Variants in CASKIN1 observed in about 807,000 individuals in gnomAD.
The protein encoded by CASKIN1 is CASK interacting protein 1, also known as caskin-1.
Under a neutral mutation model 117.5 loss-of-function variants are expected in CASKIN1, and 42 were observed. That is an observed-to-expected ratio of 0.36 (90% CI 0.28 to 0.46). The LOEUF (loss-of-function observed/expected upper bound fraction) is 0.46, where lower values mean the gene tolerates loss of function less well. Ranked by LOEUF, CASKIN1 falls within the 20% of genes least tolerant of loss-of-function variation. The probability of loss-of-function intolerance (pLI) is 1.00; values close to 1 mark genes in which losing one functional copy is unlikely to be tolerated. For synonymous variants in CASKIN1, 1,148 were observed against 961.7 expected (o/e 1.19, Z -3.59); for missense variants, 2,083 against 2,077.3 (o/e 1.00, Z -0.05).
chr16:2,183,566 G>T (rs1398001792), intron 16 of CASKIN1, 80 bp downstream of exon 16: 2 of 1,424,572 alleles, frequency 1.4e-6, no homozygotes, highest in Non-Finnish European at 1.9e-6. Context: ...GGTGGGAGTT[G>T]TGGCCAGGGA....
In CASKIN1 at chr16:2,181,552, G is replaced by A. The variant is rs1315760907; in HGVS notation, c.1816C>T (p.Gln606Ter). The A allele has an allele frequency of 6.3e-7, 1 of 1,590,044 alleles. No homozygotes were observed. Among genetic ancestry groups the A allele is most frequent in the Non-Finnish European group, 8.5e-7 (1 of 1,170,070 alleles). The change falls in exon 18 of 20, where the codon CAG becomes TAG. Residue 606 changes from glutamine (Q) to a stop codon, truncating the protein, a stop_gained. Transcript: ENST00000343516. LOFTEE classifies it high-confidence loss of function. ...MLAVRKLAEL[Q>*]KAEYAKYEGG... ...TCATACTTGGCGTATTCAGCCTTCT[G>A]CAGCTCTGCCAGCTTCCTCACAGCG... is the stretch of plus-strand genomic sequence containing the variant.
chr16:2,180,127 G>C lies in CASKIN1; in HGVS notation c.3241C>G (p.Pro1081Ala). ...TGLLATARRG[P>A]GESADPGPFV... is the part of the protein sequence containing the mutation. Reference sequence around the variant, plus strand: ...GGGCCTGGGTCTGCCGACTCCCCAGGCCCCCGGCGGGCAGTGGCCAGAAGT... The same window carrying C: ...GGGCCTGGGTCTGCCGACTCCCCAGCCCCCCGGCGGGCAGTGGCCAGAAGT... Residue 1081 changes from proline (P) to alanine (A), a missense_variant, in exon 18 of 20, where the codon CCT becomes GCT. Pro to Ala is a conservative substitution (Grantham distance 27). Transcript: ENST00000343516. The C allele has an allele frequency of 1.3e-6, 2 of 1,550,016 alleles. No individual in the cohort carries two copies. The highest frequency in any genetic ancestry group is 1.9e-5 in the Admixed American group (1 of 51,718).
At chr16:2,183,039 G>A (rs1490193321) in intron 16 of CASKIN1, among the ~76,000 whole-genome samples, 4 of 152,162 alleles carry the variant, frequency 2.6e-5, no homozygotes, top group East Asian at 1.9e-4. Flanking sequence ...CACCTACCTC[G>A]GCCTCCCAAA....
Position 2,178,296 on chromosome 16 carries a change from A to C in CASKIN1, c.*254T>G. ...GGGCGCCCTCCCCTCCCGCGCGGGC[A>C]GGAGGCCCAGCAGGTATTGCACGGG... is the stretch of plus-strand genomic sequence containing the variant. On this transcript the variant is annotated 3_prime_UTR_variant, in exon 20 of 20. Coordinates refer to ENST00000343516, the MANE Select transcript of CASKIN1 (RefSeq NM_020764.4). The C allele has an allele frequency of 2.4e-6, 1 of 422,748 alleles. No individual in the cohort carries two copies. Among genetic ancestry groups the C allele is most frequent in the South Asian group, 2.8e-5 (1 of 35,354 alleles). 26.2% of individuals were successfully genotyped at this position (422,748 alleles called of 1,614,324 possible). A position where few individuals can be genotyped will look rare whatever the true frequency, so the allele number is the denominator to read the frequency against.
chr16:2,180,988 G>A lies in CASKIN1; in HGVS notation c.2380C>T (p.Pro794Ser), dbSNP rs754625250. The change falls in exon 18 of 20, where the codon CCT becomes TCT. Residue 794 changes from proline to serine, a missense_variant. Around this residue, in one of 3 missense-constraint regions of CASKIN1, gnomAD observed 1,818 missense variants for 1,688.9 expected, o/e 1.08. Coordinates refer to ENST00000343516, the MANE Select transcript of CASKIN1 (RefSeq NM_020764.4). ...RPGSPQALGG[P>S]HGPAPATAKV... Reference sequence around the variant, plus strand: ...GCCGTAGCTGGGGCTGGACCATGAGGTCCCCCAAGGGCCTGGGGAGAGCCT... The same window carrying A: ...GCCGTAGCTGGGGCTGGACCATGAGATCCCCCAAGGGCCTGGGGAGAGCCT... 7 of 1,474,216 alleles carry A rather than the reference G, an allele frequency of 4.7e-6. No individual in the cohort carries two copies. Among genetic ancestry groups the A allele is most frequent in the Admixed American group, 5.4e-5 (2 of 36,706 alleles). 91.3% of individuals were successfully genotyped at this position (1,474,216 alleles called of 1,614,324 possible).
intron 10 of CASKIN1, among the ~76,000 whole-genome samples, chr16:2,186,475 C>A (rs544338436): frequency 6.6e-6 from 1 of 152,268 alleles, no homozygotes; most frequent in African/African-American, 2.4e-5. Context: ...TTCTAGTGGC[C>A]GGTTCAGAAC....
chr16:2,192,524 C>T (rs560853270), intron 1 of CASKIN1, among the ~76,000 whole-genome samples: 3 of 152,238 alleles, frequency 2.0e-5, no homozygotes, highest in African/African-American at 4.8e-5. Context: ...GGCCTCCAGA[C>T]GTTCCTCCAA....
In CASKIN1 at chr16:2,177,271, G is replaced by A. The variant is rs984589322; in HGVS notation, c.*1279C>T. 2 of 239,728 alleles carry A rather than the reference G, an allele frequency of 8.3e-6. No homozygotes were observed. The highest frequency in any genetic ancestry group is 1.6e-5 in the Non-Finnish European group (2 of 121,334). 14.9% of individuals were successfully genotyped at this position (239,728 alleles called of 1,614,324 possible). A position where few individuals can be genotyped will look rare whatever the true frequency, so the allele number is the denominator to read the frequency against. On this transcript the variant is annotated 3_prime_UTR_variant, in exon 20 of 20. Coordinates refer to ENST00000343516, the MANE Select transcript of CASKIN1 (RefSeq NM_020764.4). ...TGGAGCCCAGCCTGTGCCGCCCTCTGAGGAGAGGCCTGGGGGGACAGCTGG... is the reference window on the plus strand; with the variant it reads ...TGGAGCCCAGCCTGTGCCGCCCTCTAAGGAGAGGCCTGGGGGGACAGCTGG...
chr16:2,187,177 T>C lies in CASKIN1; in HGVS notation c.824A>G (p.Gln275Arg). 1 of 1,613,942 alleles carries C rather than the reference T, an allele frequency of 6.2e-7. No homozygotes were observed. The highest frequency in any genetic ancestry group is 1.1e-5 in the South Asian group (1 of 91,088). Reference protein sequence around the residue: ...TTSQASREIKQLLREASAALQ... With the variant: ...TTSQASREIKRLLREASAALQ... ...CTGCCTGGGCCCACCTCGCAACAGC[T>C]GCTTGATCTCCCTGCTGGCCTGGGA... The change falls in exon 8 of 20, where the codon CAG becomes CGG. Residue 275 changes from glutamine to arginine, a missense_variant. Physicochemically the swap from Gln to Arg is conservative, Grantham distance 43. Around this residue, in one of 3 missense-constraint regions of CASKIN1, gnomAD observed 203 missense variants for 338.7 expected, o/e 0.60. Coordinates refer to ENST00000343516, the MANE Select transcript of CASKIN1 (RefSeq NM_020764.4).
chr16:2,183,595 C>A, intron 16 of CASKIN1, 51 bp downstream of exon 16: 1 of 1,573,708 alleles, frequency 6.4e-7, no homozygotes, highest in South Asian at 1.1e-5. Context: ...CTCTGTCTGT[C>A]TGTCTGTCTG....
rs775502867 is a variant in CASKIN1 at position 2,179,705 on chromosome 16, C to T, written c.3663G>A (p.Pro1221=). The T allele has an allele frequency of 1.3e-6, 2 of 1,517,084 alleles. No individual in the cohort carries two copies. Among genetic ancestry groups the T allele is most frequent in the Non-Finnish European group, 1.8e-6 (2 of 1,140,068 alleles). The allele number at this position is 1,517,084 out of a possible 1,614,324, so 94.0% of individuals were successfully genotyped here. ...GCTTGGGAGAGACAGGCGGCTTGGCCGGCTTCCGGGCTTCGCCCTCGGGCG... is the reference window on the plus strand; with the variant it reads ...GCTTGGGAGAGACAGGCGGCTTGGCTGGCTTCCGGGCTTCGCCCTCGGGCG... ...LPPPEGEARK[P]AKPPVSPKPV... is the part of the protein sequence containing the mutation. The change falls in exon 18 of 20, where the codon CCG becomes CCA. Residue 1221 remains proline (P), a synonymous_variant. Transcript: ENST00000343516. This position sits in a 1 kb window ranked among gnomAD's most constrained non-coding sequence, Gnocchi z 5.8.
intron 16 of CASKIN1, 34 bp downstream of exon 16, chr16:2,183,612 C>G: frequency 6.2e-7 from 1 of 1,605,196 alleles, no homozygotes; most frequent in Non-Finnish European, 8.5e-7. Context: ...TCTGCCCGTC[C>G]TGGGCCCAGC....
chr16:2,181,995 G>A, intron 16 of CASKIN1, 66 bp from the exon 17 acceptor site: 1 of 1,599,228 alleles, frequency 6.3e-7, no homozygotes, highest in Non-Finnish European at 8.5e-7. Context: ...TCTACCTGGA[G>A]CTGGAGGAGG....
chr16:2,195,970 G>GA lies in CASKIN1; in HGVS notation c.94+368_94+369insT, dbSNP rs2093214621. Reference sequence around the variant, plus strand: ...TCCCTGTCTTCCCGGTGCGTGTGGTGGGTGGGGGGGGCATCCGCCTCGCCC... The same window carrying GA: ...TCCCTGTCTTCCCGGTGCGTGTGGTGAGGTGGGGGGGGCATCCGCCTCGCCC... On this transcript the variant is annotated intron_variant, in intron 1 of 19. Transcript: ENST00000343516. Among the ~76,000 whole-genome samples, 8 of 146,730 alleles carry GA rather than the reference G, an allele frequency of 5.5e-5. No homozygotes were observed. The South Asian group carries it at 1.5e-3, about 27-fold the overall frequency.
In CASKIN1 at chr16:2,178,558, G is replaced by T. The variant is rs1336680509; in HGVS notation, c.4288C>A (p.Leu1430Met). The change falls in exon 20 of 20, where the codon CTG (leucine) becomes ATG (methionine). Residue 1430 changes from leucine to methionine, a missense_variant. Physicochemically the swap from Leu to Met is conservative, Grantham distance 15 (BLOSUM62 2). Around this residue, in one of 3 missense-constraint regions of CASKIN1, gnomAD observed 1,818 missense variants for 1,688.9 expected, o/e 1.08. Transcript: ENST00000343516. The stretch of plus-strand genomic sequence containing the variant: ...GCCCGGCCAGGCGGCGTTCACTCCA[G>T]CATGGCATCCAGCTGGTCGGCCAGG... ...DDLADQLDAM[L>M]E 1 of 1,592,372 alleles carries T rather than the reference G, an allele frequency of 6.3e-7. No individual in the cohort carries two copies. Among genetic ancestry groups the T allele is most frequent in the Middle Eastern group, 1.7e-4 (1 of 5,740 alleles).
intron 1 of CASKIN1, among the ~76,000 whole-genome samples, chr16:2,192,830 C>T (rs557437307): frequency 6.6e-5 from 10 of 152,318 alleles, no homozygotes; most frequent in Admixed American, 1.3e-4. Context: ...GTTCTGCTCA[C>T]GGAGGAATCC....
At position 2,178,157 on chromosome 16, in the gene CASKIN1, G is replaced by A. The variant is rs1003672488; in HGVS notation, c.*393C>T. On this transcript the variant is annotated 3_prime_UTR_variant, in exon 20 of 20. Coordinates refer to ENST00000343516, the MANE Select transcript of CASKIN1 (RefSeq NM_020764.4). ...TTCTGGGGGTGCGGTGGGGCAGGGG[G>A]GCCCTGACCTTGGTCCCCTGTCCCT... 1 of 489,062 alleles carries A rather than the reference G, an allele frequency of 2.0e-6. No homozygotes were observed. The highest frequency in any genetic ancestry group is 3.4e-4 in the Middle Eastern group (1 of 2,958). The allele number at this position is 489,062 out of a possible 1,614,324, so 30.3% of individuals were successfully genotyped here.
Position 2,185,218 on chromosome 16 carries a change from A to G in CASKIN1, c.1151-19T>C. 1.9e-6 allele frequency: 3 copies of G among 1,611,388 alleles called. No individual in the cohort carries two copies. Among genetic ancestry groups the G allele is most frequent in the Middle Eastern group, 1.6e-4 (1 of 6,062 alleles). The stretch of plus-strand genomic sequence containing the variant: ...TCCCCACCTGCCAGCACAAGGGAGC[A>G]AGATGAGGCCAGTGCCGGCCCCTGC... On this transcript the variant is annotated intron_variant, in intron 11 of 19. Transcript: ENST00000343516.
rs556163004 is a variant in CASKIN1, at chr16:2,180,617, G to T, written c.2751C>A (p.Ser917Arg). 4 of 1,564,486 alleles carry T rather than the reference G, an allele frequency of 2.6e-6. No individual in the cohort carries two copies. Among genetic ancestry groups the T allele is most frequent in the Admixed American group, 3.7e-5 (2 of 54,362 alleles). Residue 917 changes from serine to arginine, a missense_variant, in exon 18 of 20, where the codon AGC becomes AGA. Around this residue, in one of 3 missense-constraint regions of CASKIN1, gnomAD observed 1,818 missense variants for 1,688.9 expected, o/e 1.08. Coordinates refer to ENST00000343516, the MANE Select transcript of CASKIN1 (RefSeq NM_020764.4). ...YATVQRRVGR[S>R]HSVRAPAGAD... ...CACCTGCGGGCGCCCTCACTGAGTG[G>T]CTGCGGCCCACGCGCCGCTGGACCG... is the stretch of plus-strand genomic sequence containing the variant.
Sources: gnomAD v4.1 joint callset for allele counts (sites outside exome capture counted in the v4.1 genomes callset) on GRCh38, gnomAD v4.1.1 for gene constraint, gnomAD v4.1.1 regional missense constraint, Gnocchi (gnomAD v3.1) non-coding constraint, MANE v1.5 for transcripts, NCBI Gene and HGNC (gene_info 2026-07-23, HGNC 2026-07-21) for gene names.